The following DDX25 variants were observed in gnomAD, a reference collection of about 807,000 sequenced individuals.
DDX25 encodes ATP-dependent RNA helicase DDX25.
DDX25 carries 70 observed loss-of-function variants against 64.6 expected under a neutral mutation model. The ratio of observed to expected loss-of-function variants is 1.08; its 90% CI spans 0.89 to 1.32. DDX25 has a LOEUF of 1.32. DDX25 is among the 40% of genes most tolerant of loss of function. The pLI is 0.00. For synonymous variants in DDX25, 211 were observed against 213.3 expected (o/e 0.99, Z 0.09); for missense variants, 587 against 604.4 (o/e 0.97, Z 0.30).
chr11:125,904,639 G>A, intron 1 of DDX25, 59 bp downstream of exon 1: 1 of 1,429,340 alleles, frequency 7.0e-7, no homozygotes, highest in Non-Finnish European at 9.2e-7. Flanking sequence ...ACTCGCAGAG[G>A]GAGATCGGCT....
At chr11:125,913,172 A>C (rs1944989125) in intron 8 of DDX25, among the ~76,000 whole-genome samples, 2 of 151,872 alleles carry the variant, frequency 1.3e-5, no homozygotes, top group Non-Finnish European at 2.9e-5. Context: ...AAAAAAAAAA[A>C]AAACCATCCA....
chr11:125,911,891 C>T (rs1206404953), intron 8 of DDX25, among the ~76,000 whole-genome samples: 1 of 152,164 alleles, frequency 6.6e-6, no homozygotes, highest in African/African-American at 2.4e-5. Flanking sequence ...TAATCTAGTC[C>T]TGACTTTCCC....
At chr11:125,903,922 T>C (rs1944835493), upstream of DDX25, among the ~76,000 whole-genome samples, 1 of 152,186 alleles carries the variant, frequency 6.6e-6, no homozygotes, top group South Asian at 2.1e-4. Flanking sequence ...GAATAAAAGC[T>C]TTAAAAAGCC....
At chr11:125,904,304 C>A, upstream of DDX25, 2 of 381,458 alleles carry the variant, frequency 5.2e-6, no homozygotes, top group South Asian at 1.3e-4. Context: ...CTCTGCCCTC[C>A]GCCCCGCTCT....
chr11:125,908,248 A>T lies in DDX25; in HGVS notation c.364A>T (p.Lys122Ter). The change falls in exon 5 of 12, where the codon AAA becomes TAA. Residue 122 changes from lysine (K) to a stop codon, truncating the protein, a stop_gained. Transcript: ENST00000263576. LOFTEE classifies it high-confidence loss of function. ...TGCAATGGGATTTAATAGGCCATCT[A>T]AAATCCAAGAGATGGCTCTCCCTAT... ...IYAMGFNRPS[K>*]IQEMALPMML... The T allele has an allele frequency of 2.5e-6, 4 of 1,613,482 alleles. No homozygotes were observed. Among genetic ancestry groups the T allele is most frequent in the Non-Finnish European group, 3.4e-6 (4 of 1,179,622 alleles).
At chr11:125,908,755 T>C (rs960945857) in intron 6 of DDX25, among the ~76,000 whole-genome samples, 3 of 152,228 alleles carry the variant, frequency 2.0e-5, no homozygotes, top group African/African-American at 7.2e-5. Context: ...TTAATAAATC[T>C]GAGTCTGTTA....
Position 125,926,544 on chromosome 11 carries a change from C to T in DDX25, c.*3663C>T, listed in dbSNP as rs1183791494. On this transcript the variant is annotated 3_prime_UTR_variant, in exon 12 of 12. Coordinates refer to ENST00000263576, the MANE Select transcript of DDX25 (RefSeq NM_013264.5). ...CTGAGAGAATTTGACATTTTCCCTT[C>T]TCTTTTTTTTTTTTTTGAGATGGAG... is the stretch of plus-strand genomic sequence containing the variant. 6.6e-6 allele frequency: 1 copy of T among 150,826 alleles called. No homozygotes were observed. The highest frequency in any genetic ancestry group is 1.5e-5 in the Non-Finnish European group (1 of 67,922). The allele number at this position is 150,826 out of a possible 1,614,324, so 9.3% of individuals were successfully genotyped here.
In DDX25 at chr11:125,911,322, A is replaced by G. The variant is rs1469293568; in HGVS notation, c.634A>G (p.Thr212Ala). 6.2e-7 allele frequency: 1 copy of G among 1,611,666 alleles called. No homozygotes were observed. The highest frequency in any genetic ancestry group is 8.5e-7 in the Non-Finnish European group (1 of 1,178,942). ...AIRGNRIPRG[T>A]DITKQIIIGT... Reference sequence around the variant, plus strand: ...CCTTTTCTCCCCAGTTCCCAGAGGCACCGACATCACTAAACAGATTATAAT... The same window carrying G: ...CCTTTTCTCCCCAGTTCCCAGAGGCGCCGACATCACTAAACAGATTATAAT... The change falls in exon 8 of 12, where the codon ACC becomes GCC. Residue 212 changes from threonine to alanine, a missense_variant. Coordinates refer to ENST00000263576, the MANE Select transcript of DDX25 (RefSeq NM_013264.5).
At position 125,906,191 on chromosome 11, in the gene DDX25, C is replaced by T; in HGVS notation, c.293C>T (p.Thr98Ile). 1.3e-6 allele frequency: 2 copies of T among 1,541,856 alleles called. No homozygotes were observed. The highest frequency in any genetic ancestry group is 1.2e-5 in the South Asian group (1 of 81,140). ...AGCTCTCCACTTTACTCAGTAAAGA[C>T]ATTTGAAGAGCTGCGGCTGTGAGTA... is the stretch of plus-strand genomic sequence containing the variant. ...DPSSPLYSVK[T>I]FEELRLKEEL... Residue 98 changes from threonine (T) to isoleucine (I), a missense_variant, in exon 4 of 12, where the codon ACA (threonine) becomes ATA (isoleucine). Physicochemically the swap from Thr to Ile is moderately conservative, Grantham distance 89. Transcript: ENST00000263576.
At position 125,921,355 on chromosome 11, in the gene DDX25, C is replaced by G; in HGVS notation, c.1366C>G (p.Leu456Val). 1 of 1,613,794 alleles carries G rather than the reference C, an allele frequency of 6.2e-7. No individual in the cohort carries two copies. Residue 456 changes from leucine to valine, a missense_variant, in exon 11 of 12, where the codon CTC becomes GTC. Transcript: ENST00000263576. The surrounding 1 kb of genome is among the most constrained non-coding windows in gnomAD (Gnocchi z 4.1). Reference sequence around the variant, plus strand: ...GATTGAAGTAGATGAGCTGCCCTCGCTCATGAAAATCCAGGACCACTTTAG... The same window carrying G: ...GATTGAAGTAGATGAGCTGCCCTCGGTCATGAAAATCCAGGACCACTTTAG... ...NMIEVDELPS[L>V]MKIQDHFNSS...
upstream of DDX25, chr11:125,904,486 A>G (rs1944846771): frequency 6.8e-7 from 1 of 1,466,674 alleles, no homozygotes; most frequent in South Asian, 1.4e-5. Context: ...TGGTGGAAGC[A>G]CGTGCTGGGG....
At chr11:125,904,808 G>A in intron 1 of DDX25, 1 of 588,276 alleles carries the variant, frequency 1.7e-6, no homozygotes. Context: ...GACGACCCCT[G>A]GAAATCCAGG....
At chr11:125,905,979 A>T in intron 3 of DDX25, 95 bp from the exon 4 acceptor site, 1 of 1,417,192 alleles carries the variant, frequency 7.1e-7, no homozygotes, top group Non-Finnish European at 9.3e-7. Flanking sequence ...GCGTAGGTGC[A>T]ATTGCTTGGT....
chr11:125,921,116 G>A lies in DDX25; in HGVS notation c.1202-75G>A. On this transcript the variant is annotated intron_variant, in intron 10 of 11. Transcript: ENST00000263576. This position sits in a 1 kb window ranked among gnomAD's most constrained non-coding sequence, Gnocchi z 4.1. The stretch of plus-strand genomic sequence containing the variant: ...TTTCTCTATAAATAGGAATTCCCTT[G>A]GCAGACGTGGTACTTGAATGGCCCG... 7.2e-7 allele frequency: 1 copy of A among 1,388,994 alleles called. No homozygotes were observed. The highest frequency in any genetic ancestry group is 2.6e-5 in the Admixed American group (1 of 37,938). The allele number at this position is 1,388,994 out of a possible 1,614,324, so 86.0% of individuals were successfully genotyped here. A position where few individuals can be genotyped will look rare whatever the true frequency, so the allele number is the denominator to read the frequency against.
intron 10 of DDX25, chr11:125,920,851 A>C: frequency 4.8e-6 from 1 of 207,252 alleles, no homozygotes; most frequent in Non-Finnish European, 9.8e-6. Context: ...GACTTGGCAC[A>C]GCAGGAGCAG....
In DDX25 at chr11:125,924,260, C is replaced by CT. The variant is rs1945148832; in HGVS notation, c.*1380dup. ...CCAGCCTGGGCGACAGAGTGAGACT[C>CT]TATCTCAAAAAAAACGCGCTCCCCT... On this transcript the variant is annotated 3_prime_UTR_variant, in exon 12 of 12. Coordinates refer to ENST00000263576, the MANE Select transcript of DDX25 (RefSeq NM_013264.5). 7.1e-6 allele frequency: 1 copy of CT among 141,296 alleles called. No individual in the cohort carries two copies. Among genetic ancestry groups the CT allele is most frequent in the Non-Finnish European group, 1.6e-5 (1 of 64,226 alleles). 8.8% of individuals were successfully genotyped at this position (141,296 alleles called of 1,614,324 possible). A position where few individuals can be genotyped will look rare whatever the true frequency, so the allele number is the denominator to read the frequency against.
rs962414142 is a variant in DDX25, at chr11:125,928,222, C to T, written c.*5341C>T. 6.6e-6 allele frequency: 1 copy of T among 152,162 alleles called. No individual in the cohort carries two copies. The highest frequency in any genetic ancestry group is 2.4e-5 in the African/African-American group (1 of 41,436). 9.4% of individuals were successfully genotyped at this position (152,162 alleles called of 1,614,324 possible). On this transcript the variant is annotated 3_prime_UTR_variant, in exon 12 of 12. Coordinates refer to ENST00000263576, the MANE Select transcript of DDX25 (RefSeq NM_013264.5). ...GATATAGTCCTGTTCTTAATATAAA[C>T]ATCTGTGGTTAATTATAGTATTATA...
At chr11:125,905,474 G>GA (rs1305346105) in intron 2 of DDX25, 79 bp from the exon 3 acceptor site, 3 of 1,473,860 alleles carry the variant, frequency 2.0e-6, no homozygotes, top group Admixed American at 2.0e-5. Context: ...GAGTCAGGAA[G>GA]AAAAAATTGA....
intron 6 of DDX25, among the ~76,000 whole-genome samples, chr11:125,909,233 C>G (rs1944933962): frequency 6.6e-6 from 1 of 152,188 alleles, no homozygotes; most frequent in African/African-American, 2.4e-5. Flanking sequence ...TAAGCTTCCA[C>G]TCTGATCAGC....
Sources: allele counts gnomAD v4.1 joint callset (sites outside exome capture counted in the v4.1 genomes callset), GRCh38; gene constraint gnomAD v4.1.1; non-coding constraint Gnocchi (gnomAD v3.1); transcripts MANE v1.5; gene names NCBI Gene and HGNC (gene_info 2026-07-23, HGNC 2026-07-21).